OR9Q1: variants seen among roughly 807,000 people sequenced by gnomAD.
OR9Q1 encodes olfactory receptor family 9 subfamily Q member 1, also known as olfactory receptor 9Q1.
For synonymous variants in OR9Q1, 153 were observed against 148.6 expected, an observed-to-expected ratio of 1.03 and a Z score of -0.22; for missense variants, 374 against 378.8, an observed-to-expected ratio of 0.99 and a Z score of 0.11.
intron 2 of OR9Q1, among the ~76,000 whole-genome samples, chr11:58,161,966 G>A (rs766562173): frequency 6.6e-6 from 1 of 152,166 alleles, no homozygotes; most frequent in Non-Finnish European, 1.5e-5. Flanking sequence ...AGCTTTCCTC[G>A]CCTCCTTAAA....
intron 2 of OR9Q1, among the ~76,000 whole-genome samples, chr11:58,174,554 T>C (rs1590627181): frequency 6.6e-6 from 1 of 151,756 alleles, no homozygotes; most frequent in Non-Finnish European, 1.5e-5. Context: ...GATATTATCA[T>C]ACTAAAATCT....
intron 2 of OR9Q1, among the ~76,000 whole-genome samples, chr11:58,060,993 C>T (rs1296987967): frequency 2.6e-5 from 4 of 152,106 alleles, no homozygotes; most frequent in Admixed American, 6.6e-5. Context: ...TCAGACTGTT[C>T]GAGTTCATGC....
intron 2 of OR9Q1, among the ~76,000 whole-genome samples, chr11:58,101,389 TG>T (rs1385364162): frequency 6.6e-6 from 1 of 152,198 alleles, no homozygotes; most frequent in African/African-American, 2.4e-5. Flanking sequence ...TAATGATTAG[TG>T]ATGAACATTG....
chr11:58,083,982 T>A (rs910796693), intron 2 of OR9Q1, among the ~76,000 whole-genome samples: 1 of 151,958 alleles, frequency 6.6e-6, no homozygotes, highest in Non-Finnish European at 1.5e-5. Flanking sequence ...TAGGTTTTTC[T>A]AATTCTGTGA....
chr11:58,076,765 G>C (rs1342853357), intron 2 of OR9Q1, among the ~76,000 whole-genome samples: 1 of 152,144 alleles, frequency 6.6e-6, no homozygotes, highest in East Asian at 1.9e-4. Context: ...GGGATTACAG[G>C]CATGAGACAC....
chr11:58,099,503 T>G (rs908352536), intron 2 of OR9Q1, among the ~76,000 whole-genome samples: 1 of 152,008 alleles, frequency 6.6e-6, no homozygotes, highest in South Asian at 2.1e-4. Flanking sequence ...CAAAGTCTCT[T>G]TTGTCTAACA....
chr11:58,043,471 C>T (rs1189824486), intron 1 of OR9Q1, among the ~76,000 whole-genome samples: 4 of 152,176 alleles, frequency 2.6e-5, no homozygotes, highest in African/African-American at 7.2e-5. Context: ...AGAGGCTCCT[C>T]CCCATTTTCT....
chr11:58,175,084 C>A (rs542829902), intron 2 of OR9Q1, among the ~76,000 whole-genome samples: 1 of 112,104 alleles, frequency 8.9e-6, no homozygotes, highest in Admixed American at 1.4e-4. Context: ...CCAGCCTGGG[C>A]GACAGAGTGA....
chr11:58,034,740 T>C (rs908458124), intron 1 of OR9Q1, among the ~76,000 whole-genome samples: 2 of 129,964 alleles, frequency 1.5e-5, no homozygotes, highest in African/African-American at 5.8e-5. Context: ...CTTTCTTTCC[T>C]TCCTTCCTTC....
At chr11:58,118,829 C>G (rs756657444) in intron 2 of OR9Q1, 1 of 1,613,904 alleles carries the variant, frequency 6.2e-7, no homozygotes, top group East Asian at 2.2e-5. Flanking sequence ...GCCAAAATCA[C>G]AAAATTGCCA....
At chr11:58,047,757 A>T (rs1318460630) in intron 1 of OR9Q1, among the ~76,000 whole-genome samples, 1 of 151,856 alleles carries the variant, frequency 6.6e-6, no homozygotes, top group East Asian at 1.9e-4. Context: ...GATGGTGGGC[A>T]CAAGTAATCT....
chr11:58,084,889 G>T (rs1041150533), intron 2 of OR9Q1, among the ~76,000 whole-genome samples: 19 of 151,838 alleles, frequency 1.3e-4, no homozygotes, highest in African/African-American at 4.4e-4. Context: ...AACAAGATAA[G>T]GATGCCCACT....
chr11:58,153,093 G>T (rs967616811), intron 2 of OR9Q1, among the ~76,000 whole-genome samples: 1 of 152,198 alleles, frequency 6.6e-6, no homozygotes, highest in African/African-American at 2.4e-5. Flanking sequence ...GCTGAATCTA[G>T]CAGGAAGAAA....
intron 2 of OR9Q1, among the ~76,000 whole-genome samples, chr11:58,070,798 C>T (rs1221119264): frequency 6.6e-6 from 1 of 152,160 alleles, no homozygotes; most frequent in Non-Finnish European, 1.5e-5. Context: ...ACAGGATGTG[C>T]CTGCCTCACA....
At chr11:58,177,786 A>G (rs564583609) in intron 2 of OR9Q1, among the ~76,000 whole-genome samples, 1 of 152,368 alleles carries the variant, frequency 6.6e-6, no homozygotes, top group Admixed American at 6.5e-5. Context: ...AAGGTGCCTC[A>G]TATATTATTT....
intron 2 of OR9Q1, among the ~76,000 whole-genome samples, chr11:58,119,721 T>C (rs1457895100): frequency 6.6e-6 from 1 of 152,146 alleles, no homozygotes; most frequent in Non-Finnish European, 1.5e-5. Context: ...ATTCTTAGGT[T>C]TGGAAGAGAC....
intron 2 of OR9Q1, among the ~76,000 whole-genome samples, chr11:58,119,996 A>T (rs12795965): frequency 0.037 from 5,704 of 152,206 alleles, 143 homozygotes; most frequent in Non-Finnish European, 0.059. Flanking sequence ...CCTGCCCACC[A>T]TTCCCTTATA....
chr11:58,076,034 G>A (rs2513725), intron 2 of OR9Q1, among the ~76,000 whole-genome samples: 141,856 of 152,288 alleles, frequency 0.93, 66,295 homozygotes, highest in South Asian at 0.97. Context: ...GTGTTGCCCC[G>A]TGGCTGCTTT....
chr11:58,145,370 G>A (rs531049371), intron 2 of OR9Q1: 1 of 152,594 alleles, frequency 6.6e-6, no homozygotes, highest in Non-Finnish European at 1.5e-5. Flanking sequence ...ACAAAGACAT[G>A]AAAGAGGCTC....
Sources: allele counts gnomAD v4.1 joint callset (sites outside exome capture counted in the v4.1 genomes callset), GRCh38; gene constraint gnomAD v4.1.1; transcripts MANE v1.5; gene names NCBI Gene and HGNC (gene_info 2026-07-23, HGNC 2026-07-21).